Variants in SEMA3D observed in about 807,000 individuals in gnomAD.
The protein encoded by SEMA3D is semaphorin-3D.
SEMA3D carries 84 observed loss-of-function variants against 100.1 expected under a neutral mutation model. The ratio of observed to expected loss-of-function variants is 0.84; its 90% CI spans 0.70 to 1.01. The LOEUF is 1.01. SEMA3D is among the 50% of genes least tolerant of loss of function. The pLI is 0.00. For synonymous variants in SEMA3D, 312 were observed against 320.7 expected (o/e 0.97, Z 0.29); for missense variants, 875 against 934.1 (o/e 0.94, Z 0.82).
chr7:85,145,760 C>T (rs1322722497), intron 2 of SEMA3D, among the ~76,000 whole-genome samples: 1 of 152,102 alleles, frequency 6.6e-6, no homozygotes, highest in Non-Finnish European at 1.5e-5. Flanking sequence ...CCTCAAGATT[C>T]GTGGGATATT....
chr7:85,096,279 GA>G (rs1041169027), intron 4 of SEMA3D, among the ~76,000 whole-genome samples: 14 of 151,440 alleles, frequency 9.2e-5, no homozygotes, highest in African/African-American at 3.4e-4. Flanking sequence ...AATTCCTGAA[GA>G]AAAAAATACA....
chr7:85,164,875 CTTAGAGA>C (rs1402615760), intron 1 of SEMA3D, among the ~76,000 whole-genome samples: 1 of 151,990 alleles, frequency 6.6e-6, no homozygotes, highest in South Asian at 2.1e-4. Context: ...ACAACAGGCA[CTTAGAGA>C]TATAAAACAT....
intron 12 of SEMA3D, chr7:85,028,249 G>A: frequency 1.4e-6 from 1 of 694,666 alleles, no homozygotes; most frequent in Non-Finnish European, 2.6e-6. Context: ...TGTTACCAAT[G>A]CTGTGGTCAC....
the SEMA3D span, among the ~76,000 whole-genome samples, chr7:85,210,678 A>G: frequency 6.6e-6 from 1 of 152,090 alleles, no homozygotes; most frequent in Non-Finnish European, 1.5e-5. Context: ...TAAAGATTGA[A>G]GATACCATAT....
chr7:85,250,106 A>C, the SEMA3D span, among the ~76,000 whole-genome samples: 2 of 152,042 alleles, frequency 1.3e-5, no homozygotes, highest in Admixed American at 6.5e-5. Flanking sequence ...AAAGGGGTGA[A>C]GGACGCACCT....
At chr7:85,093,352 T>A (rs1254723710) in intron 4 of SEMA3D, among the ~76,000 whole-genome samples, 3 of 151,920 alleles carry the variant, frequency 2.0e-5, no homozygotes, top group Non-Finnish European at 2.9e-5. Context: ...TTGCAAAGTT[T>A]TTTTGCTCCT....
chr7:85,084,590 TTTC>T (rs1294691272), intron 4 of SEMA3D, among the ~76,000 whole-genome samples: 5 of 152,120 alleles, frequency 3.3e-5, no homozygotes, highest in African/African-American at 1.2e-4. Context: ...TCAATAATAT[TTTC>T]TTTTTTTTTC....
intron 2 of SEMA3D, chr7:85,140,251 T>TAA: frequency 1.2e-6 from 1 of 849,150 alleles, no homozygotes. Context: ...ATTCATTTAT[T>TAA]AAATAAGACT....
the SEMA3D span, among the ~76,000 whole-genome samples, chr7:85,240,444 T>C: frequency 6.6e-6 from 1 of 152,114 alleles, no homozygotes; most frequent in East Asian, 1.9e-4. Flanking sequence ...ATGATAGACA[T>C]TTGTCTGTAG....
intron 5 of SEMA3D, among the ~76,000 whole-genome samples, chr7:85,078,106 T>C (rs1279284338): frequency 1.3e-5 from 2 of 152,130 alleles, no homozygotes; most frequent in Non-Finnish European, 2.9e-5. Flanking sequence ...TACTGAAAAT[T>C]AGTAAATAGA....
chr7:85,202,927 T>C, the SEMA3D span, among the ~76,000 whole-genome samples: 1 of 152,158 alleles, frequency 6.6e-6, no homozygotes, highest in African/African-American at 2.4e-5. Context: ...AAATAACTTC[T>C]GGATGATATT....
chr7:85,066,282 G>T (rs999534999), intron 7 of SEMA3D, among the ~76,000 whole-genome samples: 64 of 151,728 alleles, frequency 4.2e-4, no homozygotes, highest in South Asian at 2.1e-4. Context: ...AAAGAAGACA[G>T]GAGAAGGAAA....
In SEMA3D at chr7:85,167,943, T is replaced by G. The variant is rs574475491; in HGVS notation, c.-172-14204A>C. Among the ~76,000 whole-genome samples the G allele has an allele frequency of 8.6e-5, 13 of 151,990 alleles. No individual in the cohort carries two copies. In the South Asian group the frequency reaches 2.5e-3, roughly 29 times the overall value. ...GATAACAAATAGAAAATGGTAATAC[T>G]TTAGATAAGTCTACCTCTCACAGAC... is the stretch of plus-strand genomic sequence containing the variant. On this transcript the variant is annotated intron_variant, in intron 1 of 18. Coordinates refer to ENST00000284136, the MANE Select transcript of SEMA3D (RefSeq NM_001384900.1).
chr7:85,175,089 A>G (rs757347406), intron 1 of SEMA3D, among the ~76,000 whole-genome samples: 2 of 152,206 alleles, frequency 1.3e-5, no homozygotes, highest in African/African-American at 2.4e-5. Context: ...GTTCATTGAC[A>G]TGGAGATGAT....
intron 18 of SEMA3D, 135 bp downstream of exon 18, chr7:85,006,667 G>T: frequency 1.7e-6 from 1 of 589,194 alleles, no homozygotes; most frequent in Non-Finnish European, 2.7e-6. Context: ...TGTTACCTTT[G>T]GTGTTAGTGA....
intron 15 of SEMA3D, among the ~76,000 whole-genome samples, 197 bp downstream of exon 15, chr7:85,018,055 A>C (rs1790153283): frequency 6.6e-6 from 1 of 151,802 alleles, no homozygotes; most frequent in Non-Finnish European, 1.5e-5. Context: ...TGCATCATTC[A>C]ATTAATAAAA....
At chr7:85,016,970 T>C (rs900739207) in intron 15 of SEMA3D, among the ~76,000 whole-genome samples, 1 of 151,626 alleles carries the variant, frequency 6.6e-6, no homozygotes, top group African/African-American at 2.4e-5. Context: ...GGAGGATATA[T>C]AAAGATATAT....
the SEMA3D span, among the ~76,000 whole-genome samples, chr7:85,192,888 A>G: frequency 1.2e-3 from 184 of 152,286 alleles, 1 homozygote; most frequent in Non-Finnish European, 2.3e-3. Context: ...TGTCAAAAAG[A>G]AAGTCTACAT....
the SEMA3D span, among the ~76,000 whole-genome samples, chr7:85,204,255 A>T: frequency 6.6e-6 from 1 of 151,958 alleles, no homozygotes; most frequent in South Asian, 2.1e-4. Context: ...GACTTTTCCA[A>T]CTTGCAAAAG....
Sources: allele counts gnomAD v4.1 joint callset (sites outside exome capture counted in the v4.1 genomes callset), GRCh38; gene constraint gnomAD v4.1.1; transcripts MANE v1.5; gene names NCBI Gene and HGNC (gene_info 2026-07-23, HGNC 2026-07-21).